Variants in N4BP2L2 observed in about 807,000 individuals in gnomAD.
N4BP2L2 encodes NEDD4-binding protein 2-like 2.
A neutral mutation model predicts 56.2 loss-of-function variants in N4BP2L2; 50 were observed. The ratio of observed to expected loss-of-function variants is 0.89; its 90% CI spans 0.71 to 1.13. The LOEUF is 1.13. N4BP2L2 is among the 50% of genes most tolerant of loss of function. The pLI is 0.00. For synonymous variants in N4BP2L2, 203 were observed against 223.6 expected (o/e 0.91, Z 0.82); for missense variants, 689 against 693.8 (o/e 0.99, Z 0.08).
intron 6 of N4BP2L2, among the ~76,000 whole-genome samples, chr13:32,484,908 AAATG>A (rs753329107): frequency 5.6e-4 from 86 of 152,362 alleles, no homozygotes; most frequent in Admixed American, 9.8e-4. Context: ...TATTGCCACA[AAATG>A]AATAGCCTTT....
At chr13:32,460,761 G>C (rs903033308) in intron 6 of N4BP2L2, among the ~76,000 whole-genome samples, 7 of 151,946 alleles carry the variant, frequency 4.6e-5, no homozygotes, top group African/African-American at 7.2e-5. Flanking sequence ...GAACCAAAAA[G>C]AGAGTGTGAA....
At chr13:32,437,228 A>G (rs1053946827) in intron 8 of N4BP2L2, among the ~76,000 whole-genome samples, 2 of 152,132 alleles carry the variant, frequency 1.3e-5, no homozygotes, top group African/African-American at 4.8e-5. Flanking sequence ...GTGTGTGTGT[A>G]TGTGTGTTTT....
At chr13:32,501,503 C>T (rs530774190) in intron 6 of N4BP2L2, among the ~76,000 whole-genome samples, 56 of 151,756 alleles carry the variant, frequency 3.7e-4, no homozygotes, top group African/African-American at 1.3e-3. Flanking sequence ...TTAATCATAC[C>T]AAATTTGCCA....
At chr13:32,500,298 T>A (rs1420443543) in intron 6 of N4BP2L2, among the ~76,000 whole-genome samples, 5 of 152,190 alleles carry the variant, frequency 3.3e-5, no homozygotes, top group Admixed American at 3.3e-4. Flanking sequence ...TGCTTTTCAT[T>A]TCCTTTCTCT....
At chr13:32,453,865 A>T (rs900122564) in intron 6 of N4BP2L2, among the ~76,000 whole-genome samples, 7 of 152,220 alleles carry the variant, frequency 4.6e-5, no homozygotes, top group Non-Finnish European at 7.3e-5. Flanking sequence ...AAACTTTCCT[A>T]GGACAAACAC....
rs1593374244 is a variant in N4BP2L2, at chr13:32,438,574, G to C, written c.2190+78C>G. ...AGATCACGCCATTGCACTCCAGCCT[G>C]GGCAACAAGAATGAAACTCCGTCTC... On this transcript the variant is annotated intron_variant, in intron 8 of 9. Transcript: ENST00000357505. 4 of 1,181,668 alleles carry C rather than the reference G, an allele frequency of 3.4e-6. No individual in the cohort carries two copies. The Admixed American group carries it at 6.4e-5, about 19-fold the overall frequency. 73.2% of individuals were successfully genotyped at this position (1,181,668 alleles called of 1,614,324 possible).
intron 5 of N4BP2L2, among the ~76,000 whole-genome samples, chr13:32,520,339 G>A (rs965901910): frequency 5.3e-5 from 8 of 149,562 alleles, no homozygotes; most frequent in African/African-American, 1.5e-4. Flanking sequence ...AGGTGGGGAC[G>A]AGGAAGACGA....
intron 6 of N4BP2L2, among the ~76,000 whole-genome samples, chr13:32,465,296 G>C (rs75367498): frequency 1.3e-3 from 192 of 152,124 alleles, no homozygotes; most frequent in African/African-American, 4.3e-3. Flanking sequence ...TTCACAGTTG[G>C]TGGGGGTATA....
chr13:32,449,985 C>A (rs1357476608), intron 6 of N4BP2L2, among the ~76,000 whole-genome samples: 2 of 152,168 alleles, frequency 1.3e-5, no homozygotes, highest in Non-Finnish European at 2.9e-5. Flanking sequence ...ATTAAAACAC[C>A]TTTCTCAGTA....
At chr13:32,437,958 T>C (rs1295847716) in intron 8 of N4BP2L2, among the ~76,000 whole-genome samples, 2 of 152,224 alleles carry the variant, frequency 1.3e-5, no homozygotes, top group African/African-American at 4.8e-5. Context: ...TTCTCTCAAG[T>C]TTGATAAATT....
intron 6 of N4BP2L2, among the ~76,000 whole-genome samples, chr13:32,496,202 TTTA>T (rs1280484573): frequency 2.2e-5 from 3 of 134,592 alleles, no homozygotes; most frequent in South Asian, 2.2e-4. Flanking sequence ...CTACCTATTT[TTTA>T]TTTTTTTTTT....
chr13:32,471,730 C>T (rs950127538), intron 6 of N4BP2L2, among the ~76,000 whole-genome samples: 2 of 152,164 alleles, frequency 1.3e-5, no homozygotes, highest in African/African-American at 4.8e-5. Flanking sequence ...AGAGCTGCTG[C>T]GAGAGAGCTG....
chr13:32,495,045 A>G (rs2088212622), intron 6 of N4BP2L2, among the ~76,000 whole-genome samples: 1 of 152,122 alleles, frequency 6.6e-6, no homozygotes, highest in Non-Finnish European at 1.5e-5. Flanking sequence ...TGTAAATTCT[A>G]GCTTCCAATT....
intron 3 of N4BP2L2, chr13:32,524,535 C>T (rs2052073571): frequency 6.6e-6 from 1 of 152,122 alleles, no homozygotes; most frequent in Admixed American, 6.6e-5. Context: ...AAGAACTACA[C>T]TTTGGAGATG....
At chr13:32,462,861 T>TAA (rs569068082) in intron 6 of N4BP2L2, among the ~76,000 whole-genome samples, 1,734 of 50,970 alleles carry the variant, frequency 0.034, 98 homozygotes, top group African/African-American at 0.063. Context: ...CTGTCTTTAC[T>TAA]AAAAAAAAAA....
At chr13:32,442,001 G>A (rs1433358690) in intron 7 of N4BP2L2, among the ~76,000 whole-genome samples, 4 of 152,138 alleles carry the variant, frequency 2.6e-5, no homozygotes, top group African/African-American at 7.2e-5. Flanking sequence ...GCGTGAACCC[G>A]GGAGGCGGAG....
chr13:32,488,377 T>C (rs893452142), intron 6 of N4BP2L2, among the ~76,000 whole-genome samples: 1 of 152,038 alleles, frequency 6.6e-6, no homozygotes, highest in Non-Finnish European at 1.5e-5. Flanking sequence ...TAGATATAAA[T>C]ATGGAAACAA....
intron 6 of N4BP2L2, among the ~76,000 whole-genome samples, chr13:32,490,458 C>A (rs1172720731): frequency 2.6e-5 from 4 of 152,132 alleles, no homozygotes; most frequent in Admixed American, 2.6e-4. Context: ...GCACCTGTCA[C>A]CATGCCCGGC....
intron 2 of N4BP2L2, among the ~76,000 whole-genome samples, chr13:32,534,080 C>T (rs1393389899): frequency 6.6e-6 from 1 of 152,164 alleles, no homozygotes; most frequent in African/African-American, 2.4e-5. Flanking sequence ...ACCTCAACTT[C>T]CTTTAGCCTC....
Sources: allele counts gnomAD v4.1 joint callset (sites outside exome capture counted in the v4.1 genomes callset), GRCh38; gene constraint gnomAD v4.1.1; transcripts MANE v1.5; gene names NCBI Gene and HGNC (gene_info 2026-07-23, HGNC 2026-07-21).